The following NUP210L variants were observed in gnomAD, a reference collection of about 807,000 sequenced individuals.
NUP210L encodes the protein nuclear pore membrane glycoprotein 210-like.
In NUP210L, 74 loss-of-function variants were observed where a neutral mutation model predicts 208.5. The observed-to-expected ratio is 0.35, with a 90% CI of 0.29 to 0.43. NUP210L has a LOEUF of 0.43. NUP210L is among the 20% of genes least tolerant of loss of function. The pLI, the probability that NUP210L is intolerant of heterozygous loss-of-function variation, is 1.00. For missense variants in NUP210L, 1,843 were observed against 2,289.4 expected, an observed-to-expected ratio of 0.81 and a Z score of 3.98; for synonymous variants, 780 against 816.9, an observed-to-expected ratio of 0.95 and a Z score of 0.77.
At chr1:154,005,167 T>G (rs974107995) in intron 35 of NUP210L, among the ~76,000 whole-genome samples, 1 of 151,900 alleles carries the variant, frequency 6.6e-6, no homozygotes, top group African/African-American at 2.4e-5. Context: ...TTTCTTTTTC[T>G]TATCCATTCT....
chr1:154,007,242 G>A (rs976930064), intron 35 of NUP210L, among the ~76,000 whole-genome samples: 4 of 148,688 alleles, frequency 2.7e-5, no homozygotes, highest in East Asian at 2.0e-4. Flanking sequence ...GATTACAGGC[G>A]TTAGCTACTG....
intron 15 of NUP210L, among the ~76,000 whole-genome samples, chr1:154,093,888 T>C (rs946551422): frequency 6.6e-6 from 1 of 152,162 alleles, no homozygotes; most frequent in African/African-American, 2.4e-5. Context: ...TAGTGCGTCA[T>C]GCCTATAATC....
intron 20 of NUP210L, 50 bp from the exon 21 acceptor site, chr1:154,058,743 C>T: frequency 6.3e-7 from 1 of 1,584,222 alleles, no homozygotes. Flanking sequence ...ATGCTCCAAG[C>T]ATAATCAAAG....
chr1:154,073,547 G>A (rs1654875389), intron 16 of NUP210L, among the ~76,000 whole-genome samples: 1 of 151,964 alleles, frequency 6.6e-6, no homozygotes, highest in African/African-American at 2.4e-5. Flanking sequence ...ATGCATCGTG[G>A]TTTATATCTG....
chr1:154,143,625 C>T, intron 2 of NUP210L, 48 bp from the exon 3 acceptor site: 1 of 1,510,456 alleles, frequency 6.6e-7, no homozygotes, highest in Non-Finnish European at 9.1e-7. Context: ...GGTCATGAAT[C>T]TATTAAATGT....
chr1:154,052,634 T>A (rs918467598), intron 25 of NUP210L, among the ~76,000 whole-genome samples: 17 of 152,228 alleles, frequency 1.1e-4, no homozygotes, highest in African/African-American at 4.1e-4. Flanking sequence ...AATGCCTGGA[T>A]GTAATCACTC....
At chr1:153,992,893 A>C in exon 40 of NUP210L, 3 of 1,613,590 alleles carry the variant, frequency 1.9e-6, no homozygotes, top group Non-Finnish European at 2.5e-6. Flanking sequence ...TGGAGGTTGT[A>C]GACTCATGAA....
chr1:154,075,457 G>T (rs941386847), intron 16 of NUP210L, among the ~76,000 whole-genome samples: 5 of 151,842 alleles, frequency 3.3e-5, no homozygotes, highest in African/African-American at 1.2e-4. Flanking sequence ...ATAAATATTT[G>T]CCAATAATTA....
At chr1:154,115,244 C>A (rs771740794) in intron 12 of NUP210L, among the ~76,000 whole-genome samples, 1 of 152,130 alleles carries the variant, frequency 6.6e-6, no homozygotes, top group Admixed American at 6.6e-5. Context: ...CTGTTAAAAG[C>A]CTGTATTGGT....
At chr1:154,143,201 CAAA>C (rs34172314) in intron 3 of NUP210L, among the ~76,000 whole-genome samples, 2 of 123,480 alleles carry the variant, frequency 1.6e-5, no homozygotes, top group African/African-American at 3.1e-5. Flanking sequence ...TCCCCCTGCC[CAAA>C]AAAAAAAAAA....
chr1:154,153,861 T>C (rs761454805), intron 1 of NUP210L, among the ~76,000 whole-genome samples: 19 of 152,174 alleles, frequency 1.2e-4, no homozygotes, highest in Non-Finnish European at 2.6e-4. Context: ...ACAAGCTCAC[T>C]TTCCTTATAC....
rs1656103444 is a variant in NUP210L at position 154,094,830 on chromosome 1, T to C, written c.2187+105A>G. 2.6e-6 allele frequency: 2 copies of C among 781,040 alleles called. 1 individual carries two copies. Among genetic ancestry groups the C allele is most frequent in the South Asian group, 3.6e-5 (2 of 55,224 alleles). The allele number at this position is 781,040 out of a possible 1,614,324, so 48.4% of individuals were successfully genotyped here. A position where few individuals can be genotyped will look rare whatever the true frequency, so the allele number is the denominator to read the frequency against. On this transcript the variant is annotated intron_variant, in intron 15 of 39. Coordinates refer to ENST00000368559, the Ensembl canonical transcript of NUP210L. ...GATCAATAATTAGAATTTTCCTATT[T>C]AGTCCATAAACTAAATTCAGCAGAA...
At chr1:154,065,059 G>C (rs1007612313) in intron 17 of NUP210L, among the ~76,000 whole-genome samples, 2 of 150,340 alleles carry the variant, frequency 1.3e-5, no homozygotes, top group African/African-American at 4.9e-5. Flanking sequence ...CTGGGAGACA[G>C]AGCGAGATTC....
chr1:154,122,635 A>G (rs971694546), intron 10 of NUP210L, among the ~76,000 whole-genome samples: 3 of 152,190 alleles, frequency 2.0e-5, no homozygotes, highest in African/African-American at 7.2e-5. Flanking sequence ...AGTCTGGGAA[A>G]CAGAGCAAAA....
exon 2 of NUP210L, chr1:154,152,843 ACAGTAACTGCAT>A (rs1659468778): frequency 6.2e-7 from 1 of 1,614,112 alleles, no homozygotes; most frequent in Non-Finnish European, 8.5e-7. Flanking sequence ...TAAAGGCTCA[ACAGTAACTGCAT>A]CATGATGGGT....
chr1:154,035,308 AT>A (rs1391483572), intron 27 of NUP210L, among the ~76,000 whole-genome samples: 1 of 150,294 alleles, frequency 6.7e-6, no homozygotes, highest in Non-Finnish European at 1.5e-5. Flanking sequence ...GATATTTATT[AT>A]TTCTTTTCCT....
chr1:154,034,529 A>G (rs1652425668), intron 27 of NUP210L, among the ~76,000 whole-genome samples: 1 of 152,012 alleles, frequency 6.6e-6, no homozygotes, highest in African/African-American at 2.4e-5. Flanking sequence ...GGGTTTCTTC[A>G]TGTTGGCCAG....
At chr1:154,022,293 G>A (rs1557920072) in exon 32 of NUP210L, 2 of 1,614,116 alleles carry the variant, frequency 1.2e-6, no homozygotes, top group East Asian at 2.2e-5. Flanking sequence ...CACAGCCTGG[G>A]CCATGTAAGT....
At chr1:154,072,764 A>C (rs1654822675) in intron 16 of NUP210L, among the ~76,000 whole-genome samples, 1 of 152,224 alleles carries the variant, frequency 6.6e-6, no homozygotes, top group Non-Finnish European at 1.5e-5. Context: ...TTATACAAAA[A>C]TCAATTCGAG....
Sources: gnomAD v4.1 joint callset for allele counts (sites outside exome capture counted in the v4.1 genomes callset) on GRCh38, gnomAD v4.1.1 for gene constraint, MANE v1.5 for transcripts, NCBI Gene and HGNC (gene_info 2026-07-23, HGNC 2026-07-21) for gene names.